Variants in KCNQ5 observed in about 807,000 individuals in gnomAD.
The protein encoded by KCNQ5 is potassium voltage-gated channel subfamily KQT member 5.
KCNQ5 carries 30 observed loss-of-function variants against 98.2 expected under a neutral mutation model. The ratio of observed to expected loss-of-function variants is 0.31; its 90% CI spans 0.23 to 0.41. KCNQ5 has a LOEUF of 0.41. KCNQ5 is among the 10% of genes least tolerant of loss of function. KCNQ5 has a pLI of 1.00. For synonymous variants in KCNQ5, 458 were observed against 449.4 expected (o/e 1.02, Z -0.24); for missense variants, 835 against 1,182.5 (o/e 0.71, Z 4.31).
intron 10 of KCNQ5, among the ~76,000 whole-genome samples, chr6:73,167,188 A>G (rs1777835742): frequency 6.6e-6 from 1 of 152,232 alleles, no homozygotes; most frequent in East Asian, 1.9e-4. Context: ...CCTGAAGGTC[A>G]TCACTGAGTC....
chr6:73,005,503 A>C (rs1418695431), intron 2 of KCNQ5, among the ~76,000 whole-genome samples: 1 of 152,224 alleles, frequency 6.6e-6, no homozygotes, highest in Non-Finnish European at 1.5e-5. Context: ...AAAAATCCAA[A>C]ATGTTAGATT....
chr6:73,083,380 A>G (rs1431126543), intron 5 of KCNQ5, among the ~76,000 whole-genome samples: 2 of 152,166 alleles, frequency 1.3e-5, no homozygotes, highest in African/African-American at 4.8e-5. Context: ...AAATACTTCA[A>G]AATCAGGGGT....
intron 1 of KCNQ5, among the ~76,000 whole-genome samples, chr6:72,763,791 C>T (rs774108548): frequency 2.6e-5 from 4 of 151,718 alleles, no homozygotes; most frequent in Non-Finnish European, 4.4e-5. Flanking sequence ...TCCAAGTAGT[C>T]CCTTGAGGGG....
At chr6:72,624,748 A>G (rs945650643) in intron 1 of KCNQ5, among the ~76,000 whole-genome samples, 5 of 152,228 alleles carry the variant, frequency 3.3e-5, no homozygotes, top group Non-Finnish European at 7.3e-5. Context: ...TGCCTCAGCA[A>G]TTAGATAGGG....
chr6:73,009,069 A>C (rs773827196), intron 2 of KCNQ5, among the ~76,000 whole-genome samples: 1 of 151,990 alleles, frequency 6.6e-6, no homozygotes, highest in Non-Finnish European at 1.5e-5. Flanking sequence ...GGCTCATTGC[A>C]ACCTCGACCT....
intron 1 of KCNQ5, among the ~76,000 whole-genome samples, chr6:72,838,346 T>C (rs1776607587): frequency 6.6e-6 from 1 of 152,002 alleles, no homozygotes; most frequent in South Asian, 2.1e-4. Flanking sequence ...AAAAATAATA[T>C]TTTGTAAAAG....
At chr6:73,001,343 G>A (rs1769559361) in intron 1 of KCNQ5, among the ~76,000 whole-genome samples, 1 of 152,080 alleles carries the variant, frequency 6.6e-6, no homozygotes, top group Non-Finnish European at 1.5e-5. Context: ...TCCATTTTTG[G>A]CATAGGAATT....
At chr6:73,152,951 T>G (rs1329332391) in intron 10 of KCNQ5, among the ~76,000 whole-genome samples, 4 of 152,214 alleles carry the variant, frequency 2.6e-5, no homozygotes, top group Non-Finnish European at 4.4e-5. Flanking sequence ...GCTTTTGGTT[T>G]AATACCTGTC....
intron 5 of KCNQ5, among the ~76,000 whole-genome samples, chr6:73,081,030 G>A (rs1582316761): frequency 6.6e-6 from 1 of 152,192 alleles, no homozygotes; most frequent in East Asian, 1.9e-4. Context: ...CATAGCAAGT[G>A]CCCAATCAAA....
intron 1 of KCNQ5, among the ~76,000 whole-genome samples, chr6:72,833,641 T>C (rs1204138445): frequency 6.6e-6 from 1 of 152,132 alleles, no homozygotes; most frequent in Non-Finnish European, 1.5e-5. Flanking sequence ...AATAGTGAGA[T>C]CAAAGAAATT....
At chr6:72,661,880 A>G (rs778902482) in intron 1 of KCNQ5, among the ~76,000 whole-genome samples, 3 of 152,138 alleles carry the variant, frequency 2.0e-5, no homozygotes, top group Non-Finnish European at 4.4e-5. Context: ...AGCTTCTTTA[A>G]ATGAAAAACT....
At chr6:72,965,259 C>T (rs1767547244) in intron 1 of KCNQ5, among the ~76,000 whole-genome samples, 2 of 152,164 alleles carry the variant, frequency 1.3e-5, no homozygotes, top group Admixed American at 6.5e-5. Flanking sequence ...TTACAGTGCT[C>T]TTGGCTGTGA....
chr6:72,799,355 C>T (rs1159664508), intron 1 of KCNQ5, among the ~76,000 whole-genome samples: 2 of 152,182 alleles, frequency 1.3e-5, no homozygotes, highest in East Asian at 1.9e-4. Context: ...ATGTTAACCA[C>T]ATCTACAAAA....
intron 7 of KCNQ5, among the ~76,000 whole-genome samples, chr6:73,120,012 C>A (rs188066740): frequency 2.0e-5 from 3 of 150,470 alleles, no homozygotes; most frequent in Non-Finnish European, 4.4e-5. Context: ...CCAAGGCAGG[C>A]GGATCACTTG....
At chr6:72,774,276 T>G (rs1773056281) in intron 1 of KCNQ5, among the ~76,000 whole-genome samples, 1 of 152,136 alleles carries the variant, frequency 6.6e-6, no homozygotes, top group Non-Finnish European at 1.5e-5. Flanking sequence ...TAGCACAAAA[T>G]AAGTCATAAA....
At chr6:72,767,647 A>G (rs557873050) in intron 1 of KCNQ5, among the ~76,000 whole-genome samples, 1 of 152,190 alleles carries the variant, frequency 6.6e-6, no homozygotes, top group South Asian at 2.1e-4. Context: ...AATAGTATAA[A>G]GACATTTCAT....
intron 1 of KCNQ5, among the ~76,000 whole-genome samples, chr6:72,714,188 C>T (rs73537775): frequency 0.029 from 4,439 of 152,092 alleles, 228 homozygotes; most frequent in African/African-American, 0.1. Context: ...TTGAAGGCCT[C>T]TTCTTACTAA....
At chr6:73,124,452 T>A in intron 8 of KCNQ5, 34 bp from the exon 9 acceptor site, 1 of 1,610,724 alleles carries the variant, frequency 6.2e-7, no homozygotes, top group South Asian at 1.1e-5. Flanking sequence ...CACTGGTTTA[T>A]CATCATTTCT....
intron 1 of KCNQ5, among the ~76,000 whole-genome samples, chr6:72,796,905 T>C (rs576861209): frequency 6.6e-6 from 1 of 152,304 alleles, no homozygotes; most frequent in African/African-American, 2.4e-5. Flanking sequence ...ATCTGTTCAA[T>C]GAATATAATG....
Sources: gnomAD v4.1 joint callset for allele counts (sites outside exome capture counted in the v4.1 genomes callset) on GRCh38, gnomAD v4.1.1 for gene constraint, MANE v1.5 for transcripts, NCBI Gene and HGNC (gene_info 2026-07-23, HGNC 2026-07-21) for gene names.